The following ADRA1B variants were observed in gnomAD, a reference collection of about 807,000 sequenced individuals.
The protein encoded by ADRA1B is alpha-1B adrenergic receptor.
Under a neutral mutation model 17.9 loss-of-function variants are expected in ADRA1B, and 17 were observed. The ratio of observed to expected loss-of-function variants is 0.95; its 90% CI spans 0.65 to 1.42. The LOEUF (loss-of-function observed/expected upper bound fraction) is 1.42. Ranked by LOEUF, ADRA1B falls within the 40% of genes most tolerant of loss-of-function variation. ADRA1B has a pLI of 0.00. For synonymous variants in ADRA1B, 366 were observed against 327.6 expected, an observed-to-expected ratio of 1.12 and a Z score of -1.27; for missense variants, 681 against 722.1, an observed-to-expected ratio of 0.94 and a Z score of 0.65.
chr5:159,920,797 C>A (rs1448648752), intron 1 of ADRA1B, among the ~76,000 whole-genome samples: 1 of 152,132 alleles, frequency 6.6e-6, no homozygotes, highest in Non-Finnish European at 1.5e-5. Flanking sequence ...GCAAAAGCAG[C>A]ATGATATAGA....
At chr5:159,924,574 A>G (rs978438606) in intron 1 of ADRA1B, among the ~76,000 whole-genome samples, 10 of 152,102 alleles carry the variant, frequency 6.6e-5, no homozygotes, top group Admixed American at 6.6e-5. Flanking sequence ...GAGGGGAAGA[A>G]TGATGTGTGA....
chr5:159,881,111 T>C (rs1387595922), intron 1 of ADRA1B, among the ~76,000 whole-genome samples: 3 of 148,384 alleles, frequency 2.0e-5, no homozygotes, highest in African/African-American at 7.6e-5. Flanking sequence ...GAAGCGGAGC[T>C]TGCAGTGAGC....
At chr5:159,892,807 A>G (rs1754000415) in intron 1 of ADRA1B, among the ~76,000 whole-genome samples, 2 of 152,196 alleles carry the variant, frequency 1.3e-5, no homozygotes, top group Admixed American at 1.3e-4. Flanking sequence ...GCATGCATGT[A>G]TGTTTATAAT....
intron 1 of ADRA1B, among the ~76,000 whole-genome samples, chr5:159,943,148 G>T (rs1755179256): frequency 6.6e-6 from 1 of 151,808 alleles, no homozygotes; most frequent in African/African-American, 2.4e-5. Flanking sequence ...AGAGGCGGAG[G>T]TTGCAGTGAG....
chr5:159,915,227 T>G (rs1299854133), upstream of ADRA1B, among the ~76,000 whole-genome samples: 1 of 152,156 alleles, frequency 6.6e-6, no homozygotes, highest in Non-Finnish European at 1.5e-5. Context: ...GACCCCACAG[T>G]TGAGTTCAGT....
chr5:159,917,286 G>A lies in ADRA1B; in HGVS notation c.381G>A (p.Leu127=), dbSNP rs772852310. ...FCDIWAAVDV[L]CCTASILSLC... ...ACATCTGGGCAGCCGTGGATGTCCT[G>A]TGCTGCACAGCGTCCATTCTGAGCC... The change falls in exon 1 of 2, where the codon CTG becomes CTA. Residue 127 remains leucine, a synonymous_variant. Coordinates refer to ENST00000306675, the MANE Select transcript of ADRA1B (RefSeq NM_000679.4). The A allele has an allele frequency of 3.1e-6, 5 of 1,613,978 alleles. No homozygotes were observed. The highest frequency in any genetic ancestry group is 3.4e-6 in the Non-Finnish European group (4 of 1,180,038).
chr5:159,894,851 A>G (rs1404579233), intron 1 of ADRA1B, among the ~76,000 whole-genome samples: 2 of 152,172 alleles, frequency 1.3e-5, no homozygotes, highest in Admixed American at 6.5e-5. Context: ...AACTACTACC[A>G]TTAAGAACCT....
At chr5:159,927,996 G>A (rs558302605) in intron 1 of ADRA1B, among the ~76,000 whole-genome samples, 3 of 152,266 alleles carry the variant, frequency 2.0e-5, no homozygotes, top group Admixed American at 6.5e-5. Flanking sequence ...TTTACTTGCC[G>A]CGATGACATG....
intron 1 of ADRA1B, among the ~76,000 whole-genome samples, chr5:159,907,781 A>C (rs1300163965): frequency 6.6e-6 from 1 of 152,228 alleles, no homozygotes; most frequent in Non-Finnish European, 1.5e-5. Context: ...TAAATAAATA[A>C]AGTAACTTGC....
chr5:159,866,072 G>T (rs1295600768), intron 1 of ADRA1B, among the ~76,000 whole-genome samples: 1 of 152,104 alleles, frequency 6.6e-6, no homozygotes, highest in Non-Finnish European at 1.5e-5. Context: ...CACTATGTAA[G>T]AGTTCTAAAG....
intron 1 of ADRA1B, among the ~76,000 whole-genome samples, chr5:159,904,776 T>C (rs1047652532): frequency 3.9e-5 from 6 of 152,240 alleles, no homozygotes; most frequent in Non-Finnish European, 8.8e-5. Flanking sequence ...TGTGAGTCCA[T>C]GACTCTCTTC....
At chr5:159,866,594 GA>G (rs59632607) in intron 1 of ADRA1B, among the ~76,000 whole-genome samples, 2,967 of 139,114 alleles carry the variant, frequency 0.021, 30 homozygotes, top group South Asian at 0.035. Context: ...CTCAAAAAAG[GA>G]AAAAAAAAAA....
chr5:159,970,900 G>C (rs190456485), intron 1 of ADRA1B, among the ~76,000 whole-genome samples: 2 of 152,260 alleles, frequency 1.3e-5, no homozygotes, highest in Admixed American at 1.3e-4. Flanking sequence ...GAACTCTTGG[G>C]CTCAAGGGAT....
chr5:159,895,923 C>T (rs1754036665), intron 1 of ADRA1B, among the ~76,000 whole-genome samples: 1 of 152,188 alleles, frequency 6.6e-6, no homozygotes, highest in Admixed American at 6.5e-5. Context: ...TCAGTGCTCC[C>T]AGCGGACTAT....
chr5:159,895,076 C>T (rs1754027623), intron 1 of ADRA1B, among the ~76,000 whole-genome samples: 1 of 152,156 alleles, frequency 6.6e-6, no homozygotes, highest in Non-Finnish European at 1.5e-5. Flanking sequence ...CAGAAAAATA[C>T]ACAGCTCTTC....
intron 1 of ADRA1B, among the ~76,000 whole-genome samples, chr5:159,964,495 G>A (rs1264408641): frequency 6.6e-6 from 1 of 152,148 alleles, no homozygotes; most frequent in Non-Finnish European, 1.5e-5. Context: ...AAAGAATTGA[G>A]ATACCAAAAA....
intron 1 of ADRA1B, among the ~76,000 whole-genome samples, chr5:159,882,921 C>T (rs530315466): frequency 3.0e-4 from 45 of 152,250 alleles, no homozygotes; most frequent in South Asian, 1.2e-3. Context: ...AATATCAAGA[C>T]GCCATGGCTG....
intron 1 of ADRA1B, among the ~76,000 whole-genome samples, chr5:159,887,106 T>C (rs1753933505): frequency 6.6e-6 from 1 of 152,146 alleles, no homozygotes; most frequent in South Asian, 2.1e-4. Context: ...TCAAAGAAAC[T>C]CTCTGCCTCA....
At chr5:159,891,904 A>G (rs1753987228) in intron 1 of ADRA1B, among the ~76,000 whole-genome samples, 1 of 152,182 alleles carries the variant, frequency 6.6e-6, no homozygotes, top group South Asian at 2.1e-4. Context: ...TTGAGTTATC[A>G]ATGCTGAAAT....
Sources: allele counts gnomAD v4.1 joint callset (sites outside exome capture counted in the v4.1 genomes callset), GRCh38; gene constraint gnomAD v4.1.1; transcripts MANE v1.5; gene names NCBI Gene and HGNC (gene_info 2026-07-23, HGNC 2026-07-21).